KLHL13: variants seen among roughly 807,000 people sequenced by gnomAD.
KLHL13 encodes the protein kelch-like protein 13.
A neutral mutation model predicts 37.1 loss-of-function variants in KLHL13; 10 were observed. That is an observed-to-expected ratio of 0.27 (90% CI 0.17 to 0.46). The LOEUF is 0.46. KLHL13 is among the 20% of genes least tolerant of loss of function. The pLI is 1.00. For missense variants in KLHL13, 360 were observed against 509.3 expected, an observed-to-expected ratio of 0.71 and a Z score of 2.82; for synonymous variants, 163 against 181.2, an observed-to-expected ratio of 0.90 and a Z score of 0.81.
chrX:117,941,569 G>A (rs751407487), intron 2 of KLHL13, among the ~76,000 whole-genome samples: 1 of 111,480 alleles, frequency 9.0e-6, no homozygotes, highest in Admixed American at 9.5e-5. Context: ...TCTTGGGAGG[G>A]TGTATGTGTC....
intron 1 of KLHL13, among the ~76,000 whole-genome samples, chrX:118,044,297 C>T (rs886554710): frequency 1.4e-4 from 15 of 110,801 alleles, no homozygotes; most frequent in African/African-American, 4.9e-4. Flanking sequence ...CTAAAATGTC[C>T]ATACTACCCA....
chrX:118,061,595 C>A (rs999937390), intron 1 of KLHL13, among the ~76,000 whole-genome samples: 3 of 111,611 alleles, frequency 2.7e-5, no homozygotes, highest in Non-Finnish European at 5.7e-5. Flanking sequence ...AATTATATAT[C>A]CACTCTATGC....
At chrX:118,076,528 A>C (rs925423918) in intron 1 of KLHL13, among the ~76,000 whole-genome samples, 3 of 111,680 alleles carry the variant, frequency 2.7e-5, no homozygotes, top group Non-Finnish European at 5.7e-5. Flanking sequence ...AGGACTGGGA[A>C]GAAGAGACTT....
At chrX:118,102,109 G>T (rs1304805028) in intron 1 of KLHL13, among the ~76,000 whole-genome samples, 1 of 111,409 alleles carries the variant, frequency 9.0e-6, no homozygotes, top group East Asian at 2.8e-4. Context: ...AAAGGGACAG[G>T]CAGGAGTCAA....
At chrX:117,993,766 C>T (rs778219612) in intron 1 of KLHL13, among the ~76,000 whole-genome samples, 124 of 102,107 alleles carry the variant, frequency 1.2e-3, no homozygotes, top group Non-Finnish European at 2.1e-3. Flanking sequence ...GTTGGAGTTT[C>T]GCTCTTGTTG....
chrX:117,912,714 CAGA>C (rs1424512724), intron 4 of KLHL13, among the ~76,000 whole-genome samples: 3 of 111,815 alleles, frequency 2.7e-5, no homozygotes, highest in Non-Finnish European at 5.7e-5. Context: ...ATCTTCTTGA[CAGA>C]AGAACTAAGT....
Position 118,086,040 on chromosome X carries a change from C to A in KLHL13, c.-56+30468G>T, listed in dbSNP as rs188774037. Among the ~76,000 whole-genome samples the A allele has an allele frequency of 1.1e-3, 121 of 110,457 alleles. 1 individual carries two copies. The highest frequency in any genetic ancestry group is 3.8e-3 in the African/African-American group (116 of 30,378). ...GCAACCTCTGCTTCCCGGGTTCAAG[C>A]AATTCTCCTGCCTCAGCCTCCCAAG... On this transcript the variant is annotated intron_variant, in intron 1 of 6. Transcript: ENST00000371882.
At chrX:118,032,738 G>A (rs1052515669) in intron 1 of KLHL13, among the ~76,000 whole-genome samples, 3 of 112,352 alleles carry the variant, frequency 2.7e-5, no homozygotes, top group African/African-American at 9.7e-5. Flanking sequence ...AAAGCTGGAC[G>A]GAGAATGACT....
rs140766494 is a variant in KLHL13 at position 117,954,800 on chromosome X, G to A, written c.99-9225C>T. On this transcript the variant is annotated intron_variant, in intron 1 of 6. Transcript: ENST00000262820. The stretch of plus-strand genomic sequence containing the variant: ...CATAGGCCCTCTAGAAGGATGCTTC[G>A]CCCTACAGCTAGCACCCAGCCTGCC... Among the ~76,000 whole-genome samples the A allele has an allele frequency of 1.5e-3, 173 of 111,970 alleles. 2 individuals carry two copies. The highest frequency in any genetic ancestry group is 5.4e-3 in the African/African-American group (167 of 30,868).
intron 1 of KLHL13, among the ~76,000 whole-genome samples, chrX:117,962,408 T>G (rs1192481760): frequency 1.8e-5 from 2 of 109,826 alleles, no homozygotes; most frequent in Non-Finnish European, 1.9e-5. Flanking sequence ...GTAGAACCCT[T>G]GGAACGTGCT....
chrX:118,071,297 G>C lies in KLHL13; in HGVS notation c.-56+45211C>G, dbSNP rs1178169431. ...AGTAATGGGATGGCTAGGTCAAATGGTATTTCTAGTTCTAGATCCCTGAGG... is the reference window on the plus strand; with the variant it reads ...AGTAATGGGATGGCTAGGTCAAATGCTATTTCTAGTTCTAGATCCCTGAGG... On this transcript the variant is annotated intron_variant, in intron 1 of 6. Coordinates refer to the KLHL13 transcript ENST00000371882. 3.6e-5 allele frequency among the ~76,000 whole-genome samples: 4 copies of C among 111,416 alleles called. No individual in the cohort carries two copies. The Admixed American group carries it at 3.8e-4, about 11-fold the overall frequency.
chrX:117,944,684 A>G (rs1933232976), intron 2 of KLHL13, among the ~76,000 whole-genome samples: 1 of 111,508 alleles, frequency 9.0e-6, no homozygotes. Flanking sequence ...TAATTTAACT[A>G]TCTTTAGAAG....
chrX:117,978,793 CTTT>C (rs35977053), intron 1 of KLHL13, among the ~76,000 whole-genome samples: 1 of 83,648 alleles, frequency 1.2e-5, no homozygotes, highest in Admixed American at 1.3e-4. Context: ...TATGGCTTTT[CTTT>C]TTTTTTTTTT....
intron 1 of KLHL13, among the ~76,000 whole-genome samples, chrX:118,084,683 T>C (rs763215557): frequency 8.1e-5 from 9 of 111,641 alleles, no homozygotes; most frequent in African/African-American, 2.9e-4. Flanking sequence ...GGAGACTATT[T>C]AGATAAATTA....
intron 1 of KLHL13, chrX:117,985,322 G>A: frequency 7.1e-6 from 8 of 1,129,393 alleles, no homozygotes; most frequent in African/African-American, 1.8e-5. Flanking sequence ...AAATTCTCTG[G>A]AGTTTTAAAG....
intron 2 of KLHL13, among the ~76,000 whole-genome samples, chrX:117,923,328 T>C (rs1448595134): frequency 8.9e-6 from 1 of 112,156 alleles, no homozygotes; most frequent in South Asian, 3.7e-4. Flanking sequence ...ACCTTGGGCA[T>C]TGGCATAAAA....
chrX:117,990,738 G>C (rs764580878), intron 1 of KLHL13, among the ~76,000 whole-genome samples: 20 of 111,331 alleles, frequency 1.8e-4, no homozygotes, highest in African/African-American at 6.5e-4. Flanking sequence ...ACACACAAGA[G>C]GGCCCAATGC....
At chrX:118,041,933 A>G (rs910660445) in intron 1 of KLHL13, among the ~76,000 whole-genome samples, 3 of 111,882 alleles carry the variant, frequency 2.7e-5, no homozygotes, top group African/African-American at 9.7e-5. Flanking sequence ...GTTTTCAAAA[A>G]CAAGACCCAA....
intron 4 of KLHL13, among the ~76,000 whole-genome samples, chrX:117,913,299 T>C (rs1455997317): frequency 8.9e-6 from 1 of 112,091 alleles, no homozygotes; most frequent in Non-Finnish European, 1.9e-5. Flanking sequence ...ACTGGATACA[T>C]AAAAGGATAA....
Sources: gnomAD v4.1 joint callset for allele counts (sites outside exome capture counted in the v4.1 genomes callset) on GRCh38, gnomAD v4.1.1 for gene constraint, MANE v1.5 for transcripts, NCBI Gene and HGNC (gene_info 2026-07-23, HGNC 2026-07-21) for gene names.